MYOM2: variants seen among roughly 807,000 people sequenced by gnomAD.
MYOM2 encodes myomesin-2.
A neutral mutation model predicts 187.6 loss-of-function variants in MYOM2; 254 were observed. The observed-to-expected ratio is 1.35, with a 90% CI of 1.22 to 1.50. The LOEUF (loss-of-function observed/expected upper bound fraction) is 1.50. Among genes scored for constraint, MYOM2 ranks in the 40% most tolerant of loss-of-function variants. MYOM2 has a pLI of 0.00. For missense variants in MYOM2, 2,796 were observed against 1,924.0 expected (o/e 1.45, Z -8.48); for synonymous variants, 981 against 753.8 (o/e 1.30, Z -4.94).
chr8:2,081,086 A>G (rs1157806641), intron 13 of MYOM2, among the ~76,000 whole-genome samples: 24 of 123,232 alleles, frequency 1.9e-4, no homozygotes, highest in African/African-American at 7.8e-4. Flanking sequence ...TGCGGGAGGA[A>G]CAGGCAGCCC....
intron 20 of MYOM2, 114 bp from the exon 21 acceptor site, chr8:2,102,553 A>AACTCATTAAGTATCATTTTCCTG: frequency 1.7e-6 from 1 of 579,904 alleles, no homozygotes; most frequent in South Asian, 2.9e-5. Flanking sequence ...TCATTTTCCT[A>AACTCATTAAGTATCATTTTCCTG]ACTGGAAAAA....
chr8:2,103,405 T>A (rs1370910059), intron 21 of MYOM2, among the ~76,000 whole-genome samples: 215 of 126,242 alleles, frequency 1.7e-3, no homozygotes, highest in Middle Eastern at 0.012. Flanking sequence ...TGTTATGTGT[T>A]TATGTGTATG....
At chr8:2,142,699 C>G (rs2116925778) in intron 35 of MYOM2, among the ~76,000 whole-genome samples, 2 of 117,270 alleles carry the variant, frequency 1.7e-5, no homozygotes, top group Admixed American at 1.8e-4. Flanking sequence ...TCCTCCCTCC[C>G]CTCCCCTTCC....
intron 31 of MYOM2, among the ~76,000 whole-genome samples, chr8:2,125,229 G>A (rs1024430633): frequency 2.0e-5 from 3 of 152,172 alleles, no homozygotes; most frequent in Non-Finnish European, 4.4e-5. Context: ...CAGGTCTTAT[G>A]TTTAAGTCTT....
At chr8:2,064,461 C>T (rs371686979) in intron 6 of MYOM2, among the ~76,000 whole-genome samples, 3 of 152,282 alleles carry the variant, frequency 2.0e-5, no homozygotes, top group African/African-American at 7.2e-5. Flanking sequence ...GTCAGTGGGT[C>T]GGGATCTTTG....
chr8:2,072,116 C>T (rs1819244411), intron 8 of MYOM2, among the ~76,000 whole-genome samples: 1 of 152,196 alleles, frequency 6.6e-6, no homozygotes, highest in African/African-American at 2.4e-5. Flanking sequence ...CTGAGTGTGT[C>T]TGCTGTCAAA....
At chr8:2,070,092 A>G (rs1819161871) in intron 8 of MYOM2, among the ~76,000 whole-genome samples, 1 of 152,158 alleles carries the variant, frequency 6.6e-6, no homozygotes, top group Non-Finnish European at 1.5e-5. Flanking sequence ...TAGCAGTCCC[A>G]TGGTGCTGGG....
intron 6 of MYOM2, among the ~76,000 whole-genome samples, chr8:2,065,179 G>A (rs1818975434): frequency 1.3e-5 from 2 of 152,188 alleles, no homozygotes; most frequent in South Asian, 4.1e-4. Context: ...TACCCACAAT[G>A]TGTTTATTAT....
In MYOM2 at chr8:2,109,444, G is replaced by C. The variant is rs150501829; in HGVS notation, c.3093G>C (p.Arg1031=). The C allele has an allele frequency of 1.9e-5, 31 of 1,612,638 alleles. No homozygotes were observed. Among genetic ancestry groups the C allele is most frequent in the Non-Finnish European group, 2.5e-5 (30 of 1,179,384 alleles). ...CTTATGAGATTTTTGATAAGGGGCGGGTTCGCTTCTGGCTCCAGGCTGAGC... is the reference window on the plus strand; with the variant it reads ...CTTATGAGATTTTTGATAAGGGGCGCGTTCGCTTCTGGCTCCAGGCTGAGC... ...ELAYEIFDKG[R]VRFWLQAEHL... Residue 1031 remains arginine (R), a synonymous_variant, in exon 25 of 37, where the codon CGG becomes CGC. Coordinates refer to ENST00000262113, the MANE Select transcript of MYOM2 (RefSeq NM_003970.4).
chr8:2,050,927 C>T (rs1818464501), intron 2 of MYOM2, 54 bp downstream of exon 2: 2 of 1,377,762 alleles, frequency 1.5e-6, no homozygotes. Context: ...GGGGGTCTGA[C>T]ATTTAAAGGC....
intron 11 of MYOM2, among the ~76,000 whole-genome samples, chr8:2,077,586 G>A (rs1049055542): frequency 2.6e-5 from 4 of 151,978 alleles, no homozygotes; most frequent in African/African-American, 4.8e-5. Context: ...GTGCTGTTCC[G>A]GGCTTACCTT....
At chr8:2,125,444 G>A (rs1253902114) in intron 31 of MYOM2, among the ~76,000 whole-genome samples, 2 of 151,942 alleles carry the variant, frequency 1.3e-5, no homozygotes, top group Non-Finnish European at 2.9e-5. Context: ...TCCATTGGCC[G>A]ATCTGTCTGT....
intron 8 of MYOM2, among the ~76,000 whole-genome samples, chr8:2,071,907 C>T (rs551425407): frequency 3.3e-4 from 50 of 152,256 alleles, no homozygotes; most frequent in African/African-American, 1.0e-3. Flanking sequence ...CTCATTCTCC[C>T]CTGGGGTCCC....
chr8:2,087,924 C>G (rs921669534), intron 14 of MYOM2, among the ~76,000 whole-genome samples: 3 of 152,118 alleles, frequency 2.0e-5, no homozygotes, highest in Admixed American at 6.5e-5. Flanking sequence ...ACAGGCCAGG[C>G]AAGCCACAAC....
At chr8:2,128,717 C>CAA (rs1797743032) in intron 31 of MYOM2, among the ~76,000 whole-genome samples, 1 of 152,170 alleles carries the variant, frequency 6.6e-6, no homozygotes, top group Non-Finnish European at 1.5e-5. Flanking sequence ...TGCTTGACTC[C>CAA]CACCTGAAAG....
At chr8:2,048,048 C>G (rs762085897) in intron 1 of MYOM2, among the ~76,000 whole-genome samples, 18 of 152,224 alleles carry the variant, frequency 1.2e-4, no homozygotes, top group Non-Finnish European at 2.2e-4. Context: ...TTCAATGTAG[C>G]TCATTCTCTC....
At chr8:2,100,625 G>C in intron 19 of MYOM2, 2 of 496,622 alleles carry the variant, frequency 4.0e-6, no homozygotes, top group African/African-American at 1.9e-5. Flanking sequence ...CGAGAATGCA[G>C]TGTGGACTTC....
chr8:2,072,914 GT>G (rs927060307), intron 9 of MYOM2, among the ~76,000 whole-genome samples: 1 of 152,198 alleles, frequency 6.6e-6, no homozygotes, highest in Admixed American at 6.5e-5. Context: ...TGTTTTTAGA[GT>G]TTGATGATAT....
At chr8:2,102,860 G>T in intron 21 of MYOM2, 79 bp downstream of exon 21, 1 of 1,169,434 alleles carries the variant, frequency 8.6e-7, no homozygotes, top group Non-Finnish European at 1.2e-6. Flanking sequence ...TATGGATGAG[G>T]GTGTGTGGAT....
Sources: allele counts gnomAD v4.1 joint callset (sites outside exome capture counted in the v4.1 genomes callset), GRCh38; gene constraint gnomAD v4.1.1; transcripts MANE v1.5; gene names NCBI Gene and HGNC (gene_info 2026-07-23, HGNC 2026-07-21).